Variants in CELF2 observed in about 807,000 individuals in gnomAD.
CELF2 encodes the protein CUGBP Elav-like family member 2.
CELF2 carries 8 observed loss-of-function variants against 62.6 expected under a neutral mutation model. The ratio of observed to expected loss-of-function variants is 0.13; its 90% CI spans 0.07 to 0.23. CELF2 has a LOEUF of 0.23. Among genes scored for constraint, CELF2 ranks in the 10% least tolerant of loss-of-function variants. The pLI, the probability that CELF2 is intolerant of heterozygous loss-of-function variation, is 1.00. For missense variants in CELF2, 333 were observed against 671.0 expected, an observed-to-expected ratio of 0.50 and a Z score of 5.56; for synonymous variants, 258 against 250.0, an observed-to-expected ratio of 1.03 and a Z score of -0.30.
intron 1 of CELF2, among the ~76,000 whole-genome samples, chr10:11,162,078 G>T (rs1468259750): frequency 6.6e-6 from 1 of 152,168 alleles, no homozygotes; most frequent in Non-Finnish European, 1.5e-5. Flanking sequence ...CAGTACTGTG[G>T]GGATTCAGGG....
chr10:10,597,190 A>C, the CELF2 span, among the ~76,000 whole-genome samples: 1 of 152,352 alleles, frequency 6.6e-6, no homozygotes, highest in East Asian at 1.9e-4. Flanking sequence ...CCAGATACTT[A>C]AATTTTGGAA....
intron 1 of CELF2, among the ~76,000 whole-genome samples, chr10:10,911,060 A>C (rs1031492349): frequency 6.6e-6 from 1 of 152,240 alleles, no homozygotes; most frequent in Non-Finnish European, 1.5e-5. Context: ...TCATAATGCC[A>C]CTAGCAGTGT....
the CELF2 span, among the ~76,000 whole-genome samples, chr10:10,715,442 G>A: frequency 1.3e-5 from 2 of 151,944 alleles, no homozygotes; most frequent in African/African-American, 4.8e-5. Context: ...CTTTGTTCTT[G>A]GTCAAAGATT....
At chr10:11,137,534 A>G (rs114989154) in intron 1 of CELF2, among the ~76,000 whole-genome samples, 3 of 152,238 alleles carry the variant, frequency 2.0e-5, no homozygotes, top group African/African-American at 7.2e-5. Flanking sequence ...TTTCTCTTCT[A>G]TAAAATGGCC....
At position 11,157,333 on chromosome 10, in the gene CELF2, T is replaced by C. The variant is rs1388394168; in HGVS notation, c.75-8153T>C. ...GTTTTTTGTTTCGTTTCAATGCCAT[T>C]GCCAACTAGGTGAAATGGTATAGCC... On this transcript the variant is annotated intron_variant, in intron 1 of 12. Coordinates refer to ENST00000633077, the MANE Select transcript of CELF2 (RefSeq NM_001326342.2). This position sits in a 1 kb window ranked among gnomAD's most constrained non-coding sequence, Gnocchi z 4.9. Among the ~76,000 whole-genome samples, 1 of 152,160 alleles carries C rather than the reference T, an allele frequency of 6.6e-6. No homozygotes were observed. Among genetic ancestry groups the C allele is most frequent in the Non-Finnish European group, 1.5e-5 (1 of 68,024 alleles).
intron 1 of CELF2, among the ~76,000 whole-genome samples, chr10:11,062,068 T>C (rs2066888214): frequency 6.6e-6 from 1 of 152,216 alleles, no homozygotes; most frequent in African/African-American, 2.4e-5. Flanking sequence ...CTCCTCGGCC[T>C]CCCAAAGTGC....
rs1007740663 is a variant in CELF2, at chr10:11,156,929, AG to A, written c.75-8555del. Among the ~76,000 whole-genome samples, 69 of 152,198 alleles carry A rather than the reference AG, an allele frequency of 4.5e-4. No homozygotes were observed. Among genetic ancestry groups the A allele is most frequent in the African/African-American group, 1.5e-3 (62 of 41,436 alleles). Reference sequence around the variant, plus strand: ...AAGAAGACCGGAAGAGATGAACTTTAGGTGTGCTGAATTTGAGGTGGTGCCA... The same window carrying A: ...AAGAAGACCGGAAGAGATGAACTTTAGTGTGCTGAATTTGAGGTGGTGCCA... On this transcript the variant is annotated intron_variant, in intron 1 of 12. Coordinates refer to ENST00000633077, the MANE Select transcript of CELF2 (RefSeq NM_001326342.2). This position sits in a 1 kb window ranked among gnomAD's most constrained non-coding sequence, Gnocchi z 4.3.
intron 1 of CELF2, among the ~76,000 whole-genome samples, chr10:11,072,267 C>G (rs889662563): frequency 6.6e-6 from 1 of 152,218 alleles, no homozygotes; most frequent in African/African-American, 2.4e-5. Context: ...TTCTCCTCCT[C>G]TCTCTAATGT....
rs1054218342 is a variant in CELF2 at position 11,117,497 on chromosome 10, T to C, written c.75-47989T>C. ...CAGCTTTCCTGTGCTCTGCAGCAGC[T>C]CTAGAGGCCACTCCTTTAGACCTAG... is the stretch of plus-strand genomic sequence containing the variant. On this transcript the variant is annotated intron_variant, in intron 1 of 12. Coordinates refer to ENST00000633077, the MANE Select transcript of CELF2 (RefSeq NM_001326342.2). This position sits in a 1 kb window ranked among gnomAD's most constrained non-coding sequence, Gnocchi z 4.1. Among the ~76,000 whole-genome samples the C allele has an allele frequency of 6.6e-6, 1 of 152,246 alleles. No homozygotes were observed. The highest frequency in any genetic ancestry group is 2.4e-5 in the African/African-American group (1 of 41,470).
Position 10,972,594 on chromosome 10 carries a change from G to A in CELF2, c.89+52595G>A, listed in dbSNP as rs547448529. 3.9e-5 allele frequency among the ~76,000 whole-genome samples: 6 copies of A among 152,148 alleles called. No individual in the cohort carries two copies. The highest frequency in any genetic ancestry group is 3.9e-4 in the East Asian group (2 of 5,182). ...GCTCATCTCTCTTACGGGTTCAACC[G>A]TCTTCTACATATTGATGATTCTCAG... On this transcript the variant is annotated intron_variant, in intron 2 of 13. Coordinates refer to the CELF2 transcript ENST00000636488. The surrounding 1 kb of genome is among the most constrained non-coding windows in gnomAD (Gnocchi z 4.4).
the CELF2 span, among the ~76,000 whole-genome samples, chr10:10,768,090 C>T: frequency 1.0e-4 from 15 of 145,926 alleles, no homozygotes; most frequent in African/African-American, 3.4e-4. Flanking sequence ...GGCGTGAACC[C>T]GGGAGGCGGA....
chr10:11,033,382 C>A (rs552970775), intron 1 of CELF2, among the ~76,000 whole-genome samples: 1 of 152,018 alleles, frequency 6.6e-6, no homozygotes, highest in East Asian at 1.9e-4. Flanking sequence ...CTCAGCTTCC[C>A]GAGTACCTGG....
the CELF2 span, among the ~76,000 whole-genome samples, chr10:10,505,067 C>A: frequency 2.6e-5 from 4 of 152,210 alleles, no homozygotes; most frequent in South Asian, 8.3e-4. Context: ...ATTTTGAGAT[C>A]TATCTTCCTG....
chr10:10,751,011 ATTGT>A, the CELF2 span, among the ~76,000 whole-genome samples: 17 of 152,214 alleles, frequency 1.1e-4, no homozygotes, highest in Admixed American at 3.3e-4. Context: ...TCTCAAAATA[ATTGT>A]TTGAGGATTT....
At chr10:10,519,973 C>T in the CELF2 span, among the ~76,000 whole-genome samples, 4 of 152,188 alleles carry the variant, frequency 2.6e-5, no homozygotes, top group Non-Finnish European at 4.4e-5. Context: ...GATGGCTGTC[C>T]TCCTGCCCAG....
chr10:10,908,084 G>A (rs923396832), intron 1 of CELF2, among the ~76,000 whole-genome samples: 1 of 152,076 alleles, frequency 6.6e-6, no homozygotes, highest in Non-Finnish European at 1.5e-5. Context: ...CGCCCGGCCT[G>A]CCCGTACAGT....
the CELF2 span, among the ~76,000 whole-genome samples, chr10:10,686,957 C>A: frequency 6.6e-6 from 1 of 152,174 alleles, no homozygotes; most frequent in South Asian, 2.1e-4. Context: ...TGAAATCTTA[C>A]ATAGTGGTTT....
the CELF2 span, among the ~76,000 whole-genome samples, chr10:10,555,172 G>A: frequency 1.3e-5 from 2 of 152,128 alleles, no homozygotes; most frequent in East Asian, 3.9e-4. Context: ...AGAGGATAGA[G>A]GTAAGTCACC....
Position 11,257,725 on chromosome 10 carries a change from T to A in CELF2, c.404-13T>A, listed in dbSNP as rs1197125852. 2 of 1,611,846 alleles carry A rather than the reference T, an allele frequency of 1.2e-6. No homozygotes were observed. The highest frequency in any genetic ancestry group is 1.7e-6 in the Non-Finnish European group (2 of 1,178,000). On this transcript the variant is annotated splice_polypyrimidine_tract_variant and intron_variant, in intron 4 of 12. Transcript: ENST00000633077. ...GAAATGGCCTTTGCTCATTCGTTAT[T>A]TTTATCTCCTAGCTGTGGAAGACAG...
Sources: allele counts gnomAD v4.1 joint callset (sites outside exome capture counted in the v4.1 genomes callset), GRCh38; gene constraint gnomAD v4.1.1; non-coding constraint Gnocchi (gnomAD v3.1); transcripts MANE v1.5; gene names NCBI Gene and HGNC (gene_info 2026-07-23, HGNC 2026-07-21).